The following KCNQ3 variants were observed in gnomAD, a reference collection of about 807,000 sequenced individuals.
KCNQ3 encodes the protein potassium voltage-gated channel subfamily KQT member 3.
In KCNQ3, 30 loss-of-function variants were observed where a neutral mutation model predicts 92.5. The ratio of observed to expected loss-of-function variants is 0.32; its 90% CI spans 0.24 to 0.44. The LOEUF (loss-of-function observed/expected upper bound fraction) is 0.44, where lower values mean the gene tolerates loss of function less well. Among genes scored for constraint, KCNQ3 ranks in the 20% least tolerant of loss-of-function variants. The pLI is 1.00. For synonymous variants in KCNQ3, 450 were observed against 468.8 expected (o/e 0.96, Z 0.52); for missense variants, 913 against 1,140.3 (o/e 0.80, Z 2.87).
chr8:132,249,774 C>G (rs181805469), intron 1 of KCNQ3, among the ~76,000 whole-genome samples: 1 of 152,140 alleles, frequency 6.6e-6, no homozygotes, highest in Admixed American at 6.5e-5. Flanking sequence ...TCGGGCATGA[C>G]GGGCTGCAGG....
chr8:132,215,117 G>A (rs547556462), intron 1 of KCNQ3, among the ~76,000 whole-genome samples: 8 of 152,356 alleles, frequency 5.3e-5, no homozygotes, highest in African/African-American at 1.7e-4. Flanking sequence ...CGGGCAGCTT[G>A]TAGCTGCAGC....
At chr8:132,191,512 ATC>A (rs1044513951) in intron 1 of KCNQ3, among the ~76,000 whole-genome samples, 4 of 150,840 alleles carry the variant, frequency 2.7e-5, no homozygotes, top group East Asian at 1.9e-4. Flanking sequence ...ATATATATGT[ATC>A]TCTCTCTCTA....
intron 1 of KCNQ3, among the ~76,000 whole-genome samples, chr8:132,434,970 A>C (rs1821353479): frequency 6.6e-6 from 1 of 152,218 alleles, no homozygotes; most frequent in Non-Finnish European, 1.5e-5. Context: ...CTGGCCCCAA[A>C]GTTCAGCTCT....
intron 8 of KCNQ3, among the ~76,000 whole-genome samples, chr8:132,164,297 CATT>C (rs959536656): frequency 2.6e-5 from 4 of 151,320 alleles, no homozygotes; most frequent in Non-Finnish European, 4.4e-5. Flanking sequence ...GGTACTCTGT[CATT>C]ATTACGTGGA....
chr8:132,340,379 A>T lies in KCNQ3; in HGVS notation c.386+139768T>A, dbSNP rs539303449. On this transcript the variant is annotated intron_variant, in intron 1 of 14. Coordinates refer to ENST00000388996, the MANE Select transcript of KCNQ3 (RefSeq NM_004519.4). ...ACCAACCCGAATGCCTGTCAATAAT[A>T]GAATGGATAAAGAAAATGTGGCACG... 2.6e-5 allele frequency among the ~76,000 whole-genome samples: 4 copies of T among 152,362 alleles called. No homozygotes were observed. In the East Asian group the frequency reaches 7.7e-4, roughly 29 times the overall value.
At chr8:132,473,634 TAG>T (rs1333040591) in intron 1 of KCNQ3, among the ~76,000 whole-genome samples, 1 of 152,228 alleles carries the variant, frequency 6.6e-6, no homozygotes. Flanking sequence ...AAAGTGCTCT[TAG>T]TTTCACAAGA....
At chr8:132,477,794 T>G (rs1822450247) in intron 1 of KCNQ3, among the ~76,000 whole-genome samples, 1 of 152,158 alleles carries the variant, frequency 6.6e-6, no homozygotes, top group South Asian at 2.1e-4. Context: ...GAATTACTCA[T>G]GGCCCTGCAT....
At chr8:132,458,326 G>C (rs1248996212) in intron 1 of KCNQ3, among the ~76,000 whole-genome samples, 1 of 152,248 alleles carries the variant, frequency 6.6e-6, no homozygotes, top group African/African-American at 2.4e-5. Flanking sequence ...GTCTGCTTTA[G>C]CATTGCAGTG....
chr8:132,231,904 G>A (rs1268723173), intron 1 of KCNQ3, among the ~76,000 whole-genome samples: 2 of 152,156 alleles, frequency 1.3e-5, no homozygotes, highest in Admixed American at 1.3e-4. Context: ...AGTATTCTTA[G>A]AAATGTGCAT....
chr8:132,393,485 A>G (rs1293578203), intron 1 of KCNQ3, among the ~76,000 whole-genome samples: 1 of 152,206 alleles, frequency 6.6e-6, no homozygotes, highest in African/African-American at 2.4e-5. Flanking sequence ...TCCAAAATAA[A>G]ACTTTATTTA....
intron 1 of KCNQ3, among the ~76,000 whole-genome samples, chr8:132,385,084 A>G (rs1473330807): frequency 6.6e-6 from 1 of 151,942 alleles, no homozygotes; most frequent in Admixed American, 6.6e-5. Context: ...CTCACCTAAG[A>G]TCATGCCTCT....
intron 1 of KCNQ3, among the ~76,000 whole-genome samples, chr8:132,348,512 GTGTCACTGGCCACCTCAGGC>G (rs1365586192): frequency 6.6e-6 from 1 of 152,224 alleles, no homozygotes; most frequent in East Asian, 1.9e-4. Context: ...CACCACTATG[GTGTCACTGGCCACCTCAGGC>G]TGTAGAACAC....
chr8:132,138,067 A>G, intron 11 of KCNQ3, 51 bp from the exon 12 acceptor site: 1 of 1,594,564 alleles, frequency 6.3e-7, no homozygotes, highest in Non-Finnish European at 8.5e-7. Flanking sequence ...GAGTGCGGGG[A>G]GCTATAACAG....
intron 1 of KCNQ3, among the ~76,000 whole-genome samples, chr8:132,402,163 T>G (rs1820354601): frequency 6.6e-6 from 1 of 152,150 alleles, no homozygotes. Context: ...CGTGTCCGTG[T>G]GTGGGCACTG....
intron 1 of KCNQ3, among the ~76,000 whole-genome samples, chr8:132,260,045 A>G (rs142485547): frequency 1.3e-3 from 193 of 152,286 alleles, no homozygotes; most frequent in Middle Eastern, 6.8e-3. Flanking sequence ...AGACTAGAAG[A>G]TTTAGCATTG....
intron 1 of KCNQ3, among the ~76,000 whole-genome samples, chr8:132,345,901 AT>A (rs1818673798): frequency 6.6e-6 from 1 of 151,958 alleles, no homozygotes; most frequent in Admixed American, 6.6e-5. Context: ...GATGATGATG[AT>A]GATGACTTAA....
At chr8:132,312,529 G>A (rs946415084) in intron 1 of KCNQ3, among the ~76,000 whole-genome samples, 5 of 152,124 alleles carry the variant, frequency 3.3e-5, no homozygotes, top group Non-Finnish European at 7.4e-5. Context: ...CTCCACCACT[G>A]GATCAATAGA....
chr8:132,263,591 T>C (rs1428280005), intron 1 of KCNQ3, among the ~76,000 whole-genome samples: 1 of 152,020 alleles, frequency 6.6e-6, no homozygotes, highest in Non-Finnish European at 1.5e-5. Flanking sequence ...AAATACACCA[T>C]AAGGAACAAA....
In KCNQ3 at chr8:132,287,243, A is replaced by G. The variant is rs150748886; in HGVS notation, c.387-101062T>C. On this transcript the variant is annotated intron_variant, in intron 1 of 14. Coordinates refer to ENST00000388996, the MANE Select transcript of KCNQ3 (RefSeq NM_004519.4). The stretch of plus-strand genomic sequence containing the variant: ...AAAGACTGGCTGAGAATGATCACAT[A>G]CACAAATAAGATGCCTTTAAGGGGC... Among the ~76,000 whole-genome samples, 599 of 152,326 alleles carry G rather than the reference A, an allele frequency of 3.9e-3. 3 individuals are homozygous for G. Among genetic ancestry groups the G allele is most frequent in the African/African-American group, 0.014 (571 of 41,572 alleles).
Sources: allele counts gnomAD v4.1 joint callset (sites outside exome capture counted in the v4.1 genomes callset), GRCh38; gene constraint gnomAD v4.1.1; transcripts MANE v1.5; gene names NCBI Gene and HGNC (gene_info 2026-07-23, HGNC 2026-07-21).